Variants in SPOCK1 observed in about 807,000 individuals in gnomAD.
The protein encoded by SPOCK1 is testican-1.
SPOCK1 carries 23 observed loss-of-function variants against 55.3 expected under a neutral mutation model. The ratio of observed to expected loss-of-function variants is 0.42; its 90% confidence interval spans 0.30 to 0.59. The LOEUF is 0.59. Ranked by LOEUF, SPOCK1 falls within the 20% of genes least tolerant of loss-of-function variation. The pLI is 0.22. For missense variants in SPOCK1, 499 were observed against 552.5 expected (o/e 0.90, Z 0.97); for synonymous variants, 226 against 221.0 (o/e 1.02, Z -0.20).
chr5:137,365,750 A>T (rs1043226405), intron 2 of SPOCK1, among the ~76,000 whole-genome samples: 1 of 152,200 alleles, frequency 6.6e-6, no homozygotes, highest in Non-Finnish European at 1.5e-5. Flanking sequence ...CTTGCTTTAA[A>T]AATCTCTTCA....
intron 2 of SPOCK1, among the ~76,000 whole-genome samples, chr5:137,329,913 G>A (rs1308672102): frequency 6.6e-6 from 1 of 152,112 alleles, no homozygotes; most frequent in Non-Finnish European, 1.5e-5. Context: ...CTTCTTTGTA[G>A]TTCCTGTCTC....
chr5:137,299,394 CTG>C (rs1757545351), intron 2 of SPOCK1, among the ~76,000 whole-genome samples: 1 of 151,926 alleles, frequency 6.6e-6, no homozygotes, highest in Non-Finnish European at 1.5e-5. Context: ...ATCCAAATTA[CTG>C]TCTTTTAAAT....
At chr5:137,267,134 T>G in intron 2 of SPOCK1, 79 bp from the exon 3 acceptor site, 4 of 1,196,082 alleles carry the variant, frequency 3.3e-6, no homozygotes. Flanking sequence ...CTGCCTTCCT[T>G]TTCACCTCCC....
At chr5:137,341,353 A>G (rs912780650) in intron 2 of SPOCK1, among the ~76,000 whole-genome samples, 1 of 152,250 alleles carries the variant, frequency 6.6e-6, no homozygotes, top group Non-Finnish European at 1.5e-5. Context: ...TTTACTCTTC[A>G]TAAGTGTCAA....
intron 5 of SPOCK1, among the ~76,000 whole-genome samples, chr5:137,072,906 G>A (rs1373340475): frequency 6.6e-6 from 1 of 152,200 alleles, no homozygotes; most frequent in Non-Finnish European, 1.5e-5. Context: ...AGGTGGAGGG[G>A]AGCAATCCTG....
intron 2 of SPOCK1, among the ~76,000 whole-genome samples, chr5:137,494,804 A>C (rs1028503384): frequency 1.3e-5 from 2 of 152,224 alleles, no homozygotes; most frequent in South Asian, 4.1e-4. Flanking sequence ...ATTTGTTGGA[A>C]TGAATGAAGG....
chr5:137,168,690 A>G (rs146746984), intron 3 of SPOCK1, among the ~76,000 whole-genome samples: 83 of 152,282 alleles, frequency 5.5e-4, no homozygotes, highest in African/African-American at 1.6e-3. Flanking sequence ...GCTTTTTTCC[A>G]TAAGACAGGC....
At chr5:137,454,774 T>C (rs1228573036) in intron 2 of SPOCK1, among the ~76,000 whole-genome samples, 6 of 152,218 alleles carry the variant, frequency 3.9e-5, no homozygotes, top group African/African-American at 1.4e-4. Flanking sequence ...TCACAATTGT[T>C]GAATCACAGC....
intron 2 of SPOCK1, among the ~76,000 whole-genome samples, chr5:137,431,991 G>T (rs1752756230): frequency 6.6e-6 from 1 of 152,132 alleles, no homozygotes; most frequent in Admixed American, 6.5e-5. Context: ...CAGCCAATAA[G>T]CACATGAAAA....
chr5:137,480,303 T>TCACA (rs6149262), intron 2 of SPOCK1, among the ~76,000 whole-genome samples: 17,004 of 140,004 alleles, frequency 0.12, 1,011 homozygotes, highest in Non-Finnish European at 0.14. Context: ...TTGCTCTCCT[T>TCACA]CACACACACA....
intron 3 of SPOCK1, among the ~76,000 whole-genome samples, chr5:137,264,439 G>T (rs867478003): frequency 3.9e-5 from 6 of 151,908 alleles, no homozygotes; most frequent in Non-Finnish European, 7.4e-5. Context: ...TCTCTATGCT[G>T]GGCCTTCCTT....
intron 2 of SPOCK1, among the ~76,000 whole-genome samples, chr5:137,462,302 C>A (rs1753505176): frequency 6.6e-6 from 1 of 152,228 alleles, no homozygotes; most frequent in Non-Finnish European, 1.5e-5. Context: ...GGAACCACAT[C>A]TGCTTTTCCT....
intron 6 of SPOCK1, among the ~76,000 whole-genome samples, chr5:137,010,688 C>T (rs907336703): frequency 1.3e-5 from 2 of 152,166 alleles, no homozygotes; most frequent in Non-Finnish European, 2.9e-5. Flanking sequence ...GTGCTCTTAA[C>T]TTCACCCATG....
chr5:137,279,285 A>G (rs1204421924), intron 2 of SPOCK1, among the ~76,000 whole-genome samples: 3 of 152,258 alleles, frequency 2.0e-5, no homozygotes, highest in Non-Finnish European at 4.4e-5. Flanking sequence ...TAGCCAGAGG[A>G]GAAGTAACAA....
chr5:137,297,280 T>C (rs1269538042), intron 2 of SPOCK1, among the ~76,000 whole-genome samples: 1 of 152,216 alleles, frequency 6.6e-6, no homozygotes, highest in Non-Finnish European at 1.5e-5. Flanking sequence ...TCCTTTGGAA[T>C]TACTGAGTAA....
intron 2 of SPOCK1, among the ~76,000 whole-genome samples, chr5:137,310,574 C>G (rs1307713053): frequency 6.6e-6 from 1 of 152,212 alleles, no homozygotes; most frequent in African/African-American, 2.4e-5. Context: ...AACTTGCTTT[C>G]TGTGACGAAA....
At chr5:137,072,396 C>G (rs1018489105) in intron 5 of SPOCK1, among the ~76,000 whole-genome samples, 8 of 152,164 alleles carry the variant, frequency 5.3e-5, no homozygotes, top group Non-Finnish European at 7.4e-5. Context: ...AGACCCTCGA[C>G]CTGCTAAAAC....
chr5:137,187,868 G>T (rs543841343), intron 3 of SPOCK1, among the ~76,000 whole-genome samples: 2 of 152,190 alleles, frequency 1.3e-5, no homozygotes, highest in Non-Finnish European at 2.9e-5. Flanking sequence ...ACCAGTAGTG[G>T]TGTTCTGACA....
At chr5:137,232,523 C>T (rs1242085526) in intron 3 of SPOCK1, among the ~76,000 whole-genome samples, 1 of 152,196 alleles carries the variant, frequency 6.6e-6, no homozygotes, top group East Asian at 1.9e-4. Context: ...GTTATCTATT[C>T]TGTTTCACGG....
Sources: gnomAD v4.1 joint callset for allele counts (sites outside exome capture counted in the v4.1 genomes callset) on GRCh38, gnomAD v4.1.1 for gene constraint, MANE v1.5 for transcripts, NCBI Gene and HGNC (gene_info 2026-07-23, HGNC 2026-07-21) for gene names.